RABEP1: variants seen among roughly 807,000 people sequenced by gnomAD.
The protein encoded by RABEP1 is rabaptin, RAB GTPase binding effector protein 1.
In RABEP1, 51 loss-of-function variants were observed where a neutral mutation model predicts 123.4. That is an observed-to-expected ratio of 0.41 (90% CI 0.33 to 0.52). RABEP1 has a LOEUF of 0.52. Ranked by LOEUF, RABEP1 falls within the 20% of genes least tolerant of loss-of-function variation. The pLI, the probability that RABEP1 is intolerant of heterozygous loss-of-function variation, is 0.16. For synonymous variants in RABEP1, 347 were observed against 355.2 expected (o/e 0.98, Z 0.26); for missense variants, 888 against 996.3 (o/e 0.89, Z 1.46).
intron 2 of RABEP1, among the ~76,000 whole-genome samples, chr17:5,329,182 T>C (rs114161667): frequency 0.021 from 3,152 of 152,230 alleles, 103 homozygotes; most frequent in African/African-American, 0.071. Context: ...TTAGATAATG[T>C]AGTATTTCTG....
At chr17:5,295,770 G>A (rs2075077812) in intron 1 of RABEP1, among the ~76,000 whole-genome samples, 1 of 152,090 alleles carries the variant, frequency 6.6e-6, no homozygotes, top group Non-Finnish European at 1.5e-5. Flanking sequence ...TCTAAATTTG[G>A]TTCAGCTGCT....
In RABEP1 at chr17:5,311,387, G is replaced by T. The variant is rs563735977; in HGVS notation, c.163+2565G>T. Among the ~76,000 whole-genome samples, 4 of 151,900 alleles carry T rather than the reference G, an allele frequency of 2.6e-5. No individual in the cohort carries two copies. In the South Asian group the frequency reaches 8.4e-4, roughly 32 times the overall value. On this transcript the variant is annotated intron_variant, in intron 2 of 17. Transcript: ENST00000537505. ...TAAATACACAGTTGATCACATTATG[G>T]ATATTTTACATATTACTATGAAAAT...
intron 12 of RABEP1, chr17:5,371,131 G>A (rs1329976980): frequency 6.6e-6 from 1 of 151,974 alleles, no homozygotes; most frequent in African/African-American, 2.4e-5. Context: ...CACGCCTGGA[G>A]AATTTTTTGT....
In RABEP1 at chr17:5,361,475, G is replaced by T. The variant is rs1304553392; in HGVS notation, c.1363G>T (p.Ala455Ser). The T allele has an allele frequency of 4.3e-6, 7 of 1,614,124 alleles. No individual in the cohort carries two copies. The highest frequency in any genetic ancestry group is 5.9e-6 in the Non-Finnish European group (7 of 1,180,024). ...ADSVSENFDT[A>S]SLGSLQMPSG... ...TTCAGTGTCTGAGAACTTTGATACT[G>T]CATCCCTTGGGTCACTCCAGATGCC... The change falls in exon 9 of 18, where the codon GCA (alanine) becomes TCA (serine). Residue 455 changes from alanine to serine, a missense_variant. Ala to Ser is a moderately conservative substitution (Grantham distance 99). Transcript: ENST00000537505.
At chr17:5,285,011 A>G (rs1208837832) in intron 1 of RABEP1, among the ~76,000 whole-genome samples, 3 of 151,866 alleles carry the variant, frequency 2.0e-5, no homozygotes, top group Non-Finnish European at 4.4e-5. Context: ...TTTCATGGCC[A>G]TATGGTAGAT....
At position 5,378,563 on chromosome 17, in the gene RABEP1, CAA is replaced by C. The variant is rs536410429; in HGVS notation, c.2271+332_2271+333del. 654 of 337,600 alleles carry C rather than the reference CAA, an allele frequency of 1.9e-3. 4 individuals are homozygous for C. The highest frequency in any genetic ancestry group is 2.1e-3 in the Non-Finnish European group (376 of 181,766). The allele number at this position is 337,600 out of a possible 1,614,324, so 20.9% of individuals were successfully genotyped here. A position where few individuals can be genotyped will look rare whatever the true frequency, so the allele number is the denominator to read the frequency against. ...AAATATGTATAAAAAACATTACAAA[CAA>C]GAGATGACATTTTCTAGCTGGCTTA... On this transcript the variant is annotated intron_variant, in intron 15 of 17. Coordinates refer to ENST00000537505, the MANE Select transcript of RABEP1 (RefSeq NM_004703.6).
At chr17:5,319,053 C>T (rs148873041) in intron 2 of RABEP1, among the ~76,000 whole-genome samples, 10 of 152,062 alleles carry the variant, frequency 6.6e-5, no homozygotes, top group Admixed American at 3.3e-4. Flanking sequence ...AAGTTTAGGC[C>T]GGGCGTGGTG....
rs36055386 is a variant in RABEP1, at chr17:5,323,677, G to GATAT, written c.164-8261_164-8258dup. Among the ~76,000 whole-genome samples, 205 of 96,732 alleles carry GATAT rather than the reference G, an allele frequency of 2.1e-3. 16 individuals are homozygous for GATAT. The highest frequency in any genetic ancestry group is 8.2e-3 in the African/African-American group (172 of 21,054). The allele number at this position is 96,732 out of a possible 152,430, so 63.5% of individuals were successfully genotyped here. On this transcript the variant is annotated intron_variant, in intron 2 of 17. Transcript: ENST00000537505. ...GTCCTCTTCAATTTCTTTCATTGGT[G>GATAT]ATATATATATATATCTCTCTCTAGG...
rs1597368215 is a variant in RABEP1 at position 5,337,933 on chromosome 17, A to G, written c.529-86A>G. ...GTGTCTGGTCAAGTTACTTGTTATA[A>G]TAATTTTTAGCAAATGGAAGGGTTA... On this transcript the variant is annotated intron_variant, in intron 4 of 17. Coordinates refer to ENST00000537505, the MANE Select transcript of RABEP1 (RefSeq NM_004703.6). 2.8e-6 allele frequency: 4 copies of G among 1,415,410 alleles called. No homozygotes were observed. In the African/African-American group the frequency reaches 4.3e-5, roughly 15 times the overall value. The allele number at this position is 1,415,410 out of a possible 1,614,324, so 87.7% of individuals were successfully genotyped here. A position where few individuals can be genotyped will look rare whatever the true frequency, so the allele number is the denominator to read the frequency against.
At chr17:5,323,843 TATATATATATCTAGGA>T (rs1180334422) in intron 2 of RABEP1, among the ~76,000 whole-genome samples, 68 of 132,576 alleles carry the variant, frequency 5.1e-4, no homozygotes, top group African/African-American at 1.4e-3. Context: ...TCTAGGAATA[TATATATATATCTAGGA>T]ATATATATAT....
At chr17:5,360,661 C>T (rs566366688) in intron 8 of RABEP1, among the ~76,000 whole-genome samples, 1 of 152,352 alleles carries the variant, frequency 6.6e-6, no homozygotes, top group South Asian at 2.1e-4. Context: ...GGGTTCTGCC[C>T]TTGGCCCTCT....
rs11209 is a variant in RABEP1 at position 5,386,260 on chromosome 17, A to G, written c.*3037A>G. Reference sequence around the variant, plus strand: ...TGATTTGCTTCACCATTTCCCTTATATGTTCACCCCTGTAAAATTGTAAAG... The same window carrying G: ...TGATTTGCTTCACCATTTCCCTTATGTGTTCACCCCTGTAAAATTGTAAAG... On this transcript the variant is annotated 3_prime_UTR_variant, in exon 18 of 18. Coordinates refer to ENST00000537505, the MANE Select transcript of RABEP1 (RefSeq NM_004703.6). 0.42 allele frequency: 669,428 copies of G among 1,607,144 alleles called. 148,408 individuals carry two copies. The highest frequency in any genetic ancestry group is 0.84 in the East Asian group (37,683 of 44,776).
chr17:5,384,199 G>A lies in RABEP1; in HGVS notation c.*976G>A, dbSNP rs992841580. 5 of 214,888 alleles carry A rather than the reference G, an allele frequency of 2.3e-5. No homozygotes were observed. The highest frequency in any genetic ancestry group is 1.1e-4 in the African/African-American group (5 of 44,372). The allele number at this position is 214,888 out of a possible 1,614,324, so 13.3% of individuals were successfully genotyped here. ...TTTCTTTTGAATTCAGACCTGGAAT[G>A]TAAGTAAGTGACAATGCTTATGGAA... On this transcript the variant is annotated 3_prime_UTR_variant, in exon 18 of 18. Coordinates refer to ENST00000537505, the MANE Select transcript of RABEP1 (RefSeq NM_004703.6).
chr17:5,362,977 A>C lies in RABEP1; in HGVS notation c.1629A>C (p.Leu543Phe). 6.2e-7 allele frequency: 1 copy of C among 1,613,872 alleles called. No homozygotes were observed. Among genetic ancestry groups the C allele is most frequent in the Non-Finnish European group, 8.5e-7 (1 of 1,179,724 alleles). ...TGTGTTCCAATTACGAAAAACAGTT[A>C]CAAGGAATTCAGATTCAGGAGGCTG... ...CDMCSNYEKQLQGIQIQEAET... is the reference protein window; with the variant it reads ...CDMCSNYEKQFQGIQIQEAET... Residue 543 changes from leucine to phenylalanine, a missense_variant, in exon 10 of 18, where the codon TTA becomes TTC. Transcript: ENST00000537505.
At chr17:5,319,558 G>A (rs1406039144) in intron 2 of RABEP1, among the ~76,000 whole-genome samples, 1 of 151,786 alleles carries the variant, frequency 6.6e-6, no homozygotes, top group East Asian at 2.0e-4. Context: ...GTAGAGATGG[G>A]GTTTCACCAT....
chr17:5,332,316 CAT>C (rs1403656204), intron 3 of RABEP1, among the ~76,000 whole-genome samples, 164 bp downstream of exon 3: 2 of 152,136 alleles, frequency 1.3e-5, no homozygotes, highest in African/African-American at 4.8e-5. Flanking sequence ...TCACTAATAA[CAT>C]AAATGGATAT....
At chr17:5,367,434 G>A (rs973177753) in intron 11 of RABEP1, among the ~76,000 whole-genome samples, 6 of 150,954 alleles carry the variant, frequency 4.0e-5, no homozygotes, top group Admixed American at 6.6e-5. Flanking sequence ...ACCACGCCCG[G>A]CTAATTTTTT....
chr17:5,323,741 AATAT>A lies in RABEP1; in HGVS notation c.164-8199_164-8196del, dbSNP rs201875067. 9.8e-4 allele frequency among the ~76,000 whole-genome samples: 60 copies of A among 60,982 alleles called. 4 individuals are homozygous for A. The highest frequency in any genetic ancestry group is 1.6e-3 in the Non-Finnish European group (53 of 34,036). 40.0% of individuals were successfully genotyped at this position (60,982 alleles called of 152,430 possible). ...ATCTAGGAATATATATATATCTAGG[AATAT>A]ATATATATCTAGGAATATATATATA... is the stretch of plus-strand genomic sequence containing the variant. On this transcript the variant is annotated intron_variant, in intron 2 of 17. Coordinates refer to ENST00000537505, the MANE Select transcript of RABEP1 (RefSeq NM_004703.6).
intron 17 of RABEP1, among the ~76,000 whole-genome samples, chr17:5,382,180 C>G (rs1318262740): frequency 6.6e-6 from 1 of 150,968 alleles, no homozygotes; most frequent in East Asian, 2.0e-4. Flanking sequence ...CTCCTGGATT[C>G]CAGCGATTCT....
Sources: gnomAD v4.1 joint callset for allele counts (sites outside exome capture counted in the v4.1 genomes callset) on GRCh38, gnomAD v4.1.1 for gene constraint, MANE v1.5 for transcripts, NCBI Gene and HGNC (gene_info 2026-07-23, HGNC 2026-07-21) for gene names.